ZSCAN25: variants seen among roughly 807,000 people sequenced by gnomAD.
The protein encoded by ZSCAN25 is zinc finger and SCAN domain-containing protein 25.
A neutral mutation model predicts 38.7 loss-of-function variants in ZSCAN25; 27 were observed. The ratio of observed to expected loss-of-function variants is 0.70; its 90% CI spans 0.51 to 0.96. The LOEUF (loss-of-function observed/expected upper bound fraction) is 0.96, where lower values mean the gene tolerates loss of function less well. ZSCAN25 is among the 40% of genes least tolerant of loss of function. The pLI, the probability that ZSCAN25 is intolerant of heterozygous loss-of-function variation, is 0.00. For synonymous variants in ZSCAN25, 273 were observed against 277.7 expected (o/e 0.98, Z 0.17); for missense variants, 637 against 705.9 (o/e 0.90, Z 1.11).
At chr7:99,734,911 A>C in the ZSCAN25 span, 1 of 1,542,766 alleles carries the variant, frequency 6.5e-7, no homozygotes, top group Non-Finnish European at 8.9e-7. Context: ...GTGAGCCACC[A>C]CGGCCAGCCT....
At chr7:99,627,977 T>C (rs1158238018) in intron 7 of ZSCAN25, among the ~76,000 whole-genome samples, 1 of 151,808 alleles carries the variant, frequency 6.6e-6, no homozygotes, top group African/African-American at 2.4e-5. Context: ...TTGCATAGTG[T>C]GTGGTGACGC....
the ZSCAN25 span, chr7:99,695,842 A>G: frequency 6.2e-7 from 1 of 1,613,070 alleles, no homozygotes; most frequent in Non-Finnish European, 8.5e-7. Flanking sequence ...CTCCATATCT[A>G]CAAACTGAAT....
the ZSCAN25 span, among the ~76,000 whole-genome samples, chr7:99,639,015 C>T: frequency 1.3e-5 from 2 of 152,242 alleles, no homozygotes; most frequent in Non-Finnish European, 2.9e-5. Flanking sequence ...TGCTGAGGCA[C>T]GGCCCGGCTG....
chr7:99,652,832 A>C, the ZSCAN25 span: 1 of 1,375,492 alleles, frequency 7.3e-7, no homozygotes, highest in Non-Finnish European at 1.0e-6. Context: ...TTAACTCTCA[A>C]CTGAGTCCAT....
At chr7:99,695,494 C>T in the ZSCAN25 span, among the ~76,000 whole-genome samples, 3 of 152,126 alleles carry the variant, frequency 2.0e-5, no homozygotes, top group Non-Finnish European at 2.9e-5. Flanking sequence ...AAAGTCTGCA[C>T]ATCAAGTTCT....
chr7:99,650,179 G>C, the ZSCAN25 span: 500 of 1,614,104 alleles, frequency 3.1e-4, 3 homozygotes, highest in South Asian at 2.4e-3. Context: ...TCTGGGTCCA[G>C]TTCCAAAGGG....
chr7:99,689,566 C>T, the ZSCAN25 span, among the ~76,000 whole-genome samples: 8,805 of 152,224 alleles, frequency 0.058, 526 homozygotes, highest in East Asian at 0.25. Context: ...ATCGTCTCAG[C>T]CCAAAATCTC....
At chr7:99,624,034 A>G (rs367559205) in intron 6 of ZSCAN25, 23 bp from the exon 7 acceptor site, 7 of 1,613,966 alleles carry the variant, frequency 4.3e-6, no homozygotes, top group Non-Finnish European at 2.5e-6. Context: ...TTCTTTATTC[A>G]TAGCAATCTC....
chr7:99,661,525 C>T, the ZSCAN25 span, among the ~76,000 whole-genome samples: 2 of 152,204 alleles, frequency 1.3e-5, no homozygotes, highest in Non-Finnish European at 1.5e-5. Context: ...TACAGGTTGG[C>T]CTCCCTCTTG....
the ZSCAN25 span, among the ~76,000 whole-genome samples, chr7:99,736,006 T>G: frequency 6.6e-6 from 1 of 152,212 alleles, no homozygotes; most frequent in African/African-American, 2.4e-5. Context: ...CTTTCAGATT[T>G]GTCCTCTGTG....
chr7:99,651,247 T>G, the ZSCAN25 span, among the ~76,000 whole-genome samples: 1 of 152,182 alleles, frequency 6.6e-6, no homozygotes, highest in South Asian at 2.1e-4. Flanking sequence ...ATGTCAAACA[T>G]TCTCTAATAT....
At chr7:99,652,625 A>G in the ZSCAN25 span, 3 of 1,614,078 alleles carry the variant, frequency 1.9e-6, no homozygotes, top group Non-Finnish European at 2.5e-6. Context: ...TGGAATCACC[A>G]CCATTGACCC....
chr7:99,665,428 T>G, the ZSCAN25 span: 11 of 1,401,278 alleles, frequency 7.8e-6, 1 homozygote, highest in South Asian at 1.2e-4. Context: ...CCACAGACTT[T>G]CAGAACTATC....
chr7:99,709,073 T>C, the ZSCAN25 span: 1 of 1,614,002 alleles, frequency 6.2e-7, no homozygotes, highest in Non-Finnish European at 8.5e-7. Context: ...TCCAGTACTT[T>C]GGGTCATGAT....
the ZSCAN25 span, among the ~76,000 whole-genome samples, chr7:99,651,073 A>G: frequency 6.6e-6 from 1 of 152,304 alleles, no homozygotes; most frequent in East Asian, 1.9e-4. Flanking sequence ...TGAAATATTT[A>G]CAGGCTATTG....
At chr7:99,643,678 T>A in the ZSCAN25 span, among the ~76,000 whole-genome samples, 1 of 151,868 alleles carries the variant, frequency 6.6e-6, no homozygotes, top group Non-Finnish European at 1.5e-5. Context: ...GGGCTCTCAG[T>A]CCCACTGTAG....
At chr7:99,691,078 T>C in the ZSCAN25 span, among the ~76,000 whole-genome samples, 1 of 151,964 alleles carries the variant, frequency 6.6e-6, no homozygotes, top group Admixed American at 6.6e-5. Context: ...ATTAAGAAAA[T>C]GTGGCACATA....
chr7:99,642,574 A>G, the ZSCAN25 span, among the ~76,000 whole-genome samples: 12 of 152,328 alleles, frequency 7.9e-5, no homozygotes, highest in South Asian at 2.5e-3. Flanking sequence ...AAATAAATGC[A>G]TGCTATTGTT....
the ZSCAN25 span, among the ~76,000 whole-genome samples, chr7:99,718,982 T>C: frequency 1.4e-4 from 22 of 152,302 alleles, no homozygotes; most frequent in Non-Finnish European, 2.9e-4. Context: ...AAACTACAAA[T>C]TGCTAAAAGC....
Sources: gnomAD v4.1 joint callset for allele counts (sites outside exome capture counted in the v4.1 genomes callset) on GRCh38, gnomAD v4.1.1 for gene constraint, MANE v1.5 for transcripts, NCBI Gene and HGNC (gene_info 2026-07-23, HGNC 2026-07-21) for gene names.